Variants in ZDHHC15 observed in about 807,000 individuals in gnomAD.
The protein encoded by ZDHHC15 is zDHHC palmitoyltransferase 15.
In ZDHHC15, 19 loss-of-function variants were observed where a neutral mutation model predicts 31.7. That is an observed-to-expected ratio of 0.60 (90% CI 0.42 to 0.88). The LOEUF is 0.88. Among genes scored for constraint, ZDHHC15 ranks in the 40% least tolerant of loss-of-function variants. ZDHHC15 has a pLI of 0.00. For missense variants in ZDHHC15, 209 were observed against 251.2 expected, an observed-to-expected ratio of 0.83 and a Z score of 1.14; for synonymous variants, 103 against 90.0, an observed-to-expected ratio of 1.14 and a Z score of -0.82.
intron 3 of ZDHHC15, among the ~76,000 whole-genome samples, chrX:75,471,844 C>A (rs2084507983): frequency 9.0e-6 from 1 of 111,707 alleles, no homozygotes; most frequent in Admixed American, 9.5e-5. Flanking sequence ...ACAGGTGAAT[C>A]ACAGCAGAGG....
intron 10 of ZDHHC15, among the ~76,000 whole-genome samples, chrX:75,383,506 G>C (rs974892103): frequency 6.3e-5 from 7 of 110,377 alleles, no homozygotes; most frequent in African/African-American, 2.3e-4. Context: ...ACTGCTCTCT[G>C]ACAATACAGA....
At chrX:75,437,207 G>C (rs1388398509) in intron 4 of ZDHHC15, among the ~76,000 whole-genome samples, 1 of 110,203 alleles carries the variant, frequency 9.1e-6, no homozygotes, top group Non-Finnish European at 1.9e-5. Flanking sequence ...AAGTCTATTT[G>C]TTCTAGTGTG....
At chrX:75,491,264 G>A (rs778538787) in intron 2 of ZDHHC15, among the ~76,000 whole-genome samples, 1 of 110,081 alleles carries the variant, frequency 9.1e-6, no homozygotes, top group Non-Finnish European at 1.9e-5. Flanking sequence ...AAGAAAATGT[G>A]GCACATATAC....
intron 3 of ZDHHC15, among the ~76,000 whole-genome samples, chrX:75,456,690 C>T (rs894515450): frequency 1.8e-5 from 2 of 110,531 alleles, no homozygotes; most frequent in African/African-American, 3.3e-5. Flanking sequence ...CCAGCAATCC[C>T]GTTACTGGGT....
chrX:75,479,464 G>A (rs1314806842), intron 2 of ZDHHC15, among the ~76,000 whole-genome samples: 1 of 112,024 alleles, frequency 8.9e-6, no homozygotes, highest in East Asian at 2.8e-4. Flanking sequence ...CACACAGGTA[G>A]TCTATAATGT....
chrX:75,386,452 A>G (rs2083180585), intron 10 of ZDHHC15, among the ~76,000 whole-genome samples: 1 of 112,149 alleles, frequency 8.9e-6, no homozygotes, highest in Admixed American at 9.4e-5. Flanking sequence ...GCCGCTGTTT[A>G]GTTCAGAAAA....
intron 10 of ZDHHC15, among the ~76,000 whole-genome samples, chrX:75,399,566 C>T (rs774405312): frequency 2.7e-5 from 3 of 111,309 alleles, no homozygotes; most frequent in South Asian, 3.8e-4. Context: ...GTCAAGTAAA[C>T]GACCCTTGGT....
intron 10 of ZDHHC15, among the ~76,000 whole-genome samples, chrX:75,414,426 CT>C (rs1177332052): frequency 5.7e-4 from 38 of 66,195 alleles, no homozygotes; most frequent in South Asian, 2.5e-3. Flanking sequence ...CATATTTTAT[CT>C]TTTTTTTTTT....
chrX:75,472,351 G>A (rs192236006), intron 3 of ZDHHC15, among the ~76,000 whole-genome samples: 51 of 112,028 alleles, frequency 4.6e-4, no homozygotes, highest in East Asian at 8.5e-4. Flanking sequence ...GAAGGACAGC[G>A]GTGTAAAGAA....
chrX:75,498,087 C>A (rs995832086), intron 2 of ZDHHC15, among the ~76,000 whole-genome samples: 3 of 110,352 alleles, frequency 2.7e-5, no homozygotes, highest in African/African-American at 6.6e-5. Context: ...GCATGCACCA[C>A]CACGCCAGAA....
At chrX:75,384,951 A>G (rs2083164501) in intron 10 of ZDHHC15, 2 of 430,703 alleles carry the variant, frequency 4.6e-6, no homozygotes, top group South Asian at 3.5e-5. Context: ...GCATGGAAAT[A>G]CATAAGGGCA....
chrX:75,463,600 AC>A (rs2084355499), intron 3 of ZDHHC15, among the ~76,000 whole-genome samples: 1 of 110,903 alleles, frequency 9.0e-6, no homozygotes, highest in Non-Finnish European at 1.9e-5. Flanking sequence ...AACAACAACA[AC>A]AACAAAAAAC....
At chrX:75,386,835 C>A (rs945510839) in intron 10 of ZDHHC15, among the ~76,000 whole-genome samples, 17 of 111,634 alleles carry the variant, frequency 1.5e-4, no homozygotes, top group Non-Finnish European at 1.9e-4. Flanking sequence ...TAGAGAGTAA[C>A]TGGAATAAGC....
At chrX:75,387,810 A>AGCACACCAAAAGATTCAACCAAAATC (rs1461431044) in intron 10 of ZDHHC15, among the ~76,000 whole-genome samples, 4 of 112,214 alleles carry the variant, frequency 3.6e-5, no homozygotes, top group Non-Finnish European at 7.5e-5. Context: ...AGAAGGTCAG[A>AGCACACCAAAAGATTCAACCAAAATC]GCACACCAAA....
At chrX:75,449,532 C>A (rs991178305) in intron 4 of ZDHHC15, among the ~76,000 whole-genome samples, 2 of 111,658 alleles carry the variant, frequency 1.8e-5, no homozygotes, top group Non-Finnish European at 3.8e-5. Context: ...AAATCCCAAA[C>A]ACTGTGTCAC....
At position 75,431,830 on chromosome X, in the gene ZDHHC15, A is replaced by G. The variant is rs751455873; in HGVS notation, c.380-310T>C. ...AATGCTTGAGGGATCTTGAAAAACC[A>G]TTTAGCCTCTATTTACCCCCAACTT... On this transcript the variant is annotated intron_variant, in intron 4 of 11. Coordinates refer to ENST00000373367, the MANE Select transcript of ZDHHC15 (RefSeq NM_144969.3). Among the ~76,000 whole-genome samples the G allele has an allele frequency of 1.8e-4, 20 of 111,764 alleles. No homozygotes were observed. The East Asian group carries it at 5.1e-3, about 28-fold the overall frequency.
chrX:75,409,495 A>G (rs1442920527), intron 10 of ZDHHC15, among the ~76,000 whole-genome samples: 3 of 100,031 alleles, frequency 3.0e-5, no homozygotes, highest in African/African-American at 1.1e-4. Flanking sequence ...CAAAAAAAAA[A>G]AAAAAAAAAA....
At chrX:75,491,469 A>G (rs1248777211) in intron 2 of ZDHHC15, among the ~76,000 whole-genome samples, 2 of 66,846 alleles carry the variant, frequency 3.0e-5, no homozygotes, top group African/African-American at 1.2e-4. Context: ...CACTCTGGGG[A>G]CTGTTGTGGG....
At chrX:75,457,294 A>T (rs1272293447) in intron 3 of ZDHHC15, among the ~76,000 whole-genome samples, 1 of 109,955 alleles carries the variant, frequency 9.1e-6, no homozygotes, top group Non-Finnish European at 1.9e-5. Flanking sequence ...TCCTCTTGTG[A>T]AATAGCTTTT....
Sources: allele counts gnomAD v4.1 joint callset (sites outside exome capture counted in the v4.1 genomes callset), GRCh38; gene constraint gnomAD v4.1.1; transcripts MANE v1.5; gene names NCBI Gene and HGNC (gene_info 2026-07-23, HGNC 2026-07-21).